Variants in BBS12 observed in about 807,000 individuals in gnomAD.
BBS12 encodes the protein chaperonin-containing T-complex member BBS12.
In BBS12, 5 loss-of-function variants were observed where a neutral mutation model predicts 5.6. That is an observed-to-expected ratio of 0.89 (90% confidence interval 0.46 to 1.86). The LOEUF (loss-of-function observed/expected upper bound fraction) is 1.86. Among genes scored for constraint, BBS12 ranks in the 40% most tolerant of loss-of-function variants. The probability of loss-of-function intolerance (pLI) is 0.01; values close to 1 mark genes in which losing one functional copy is unlikely to be tolerated. For missense variants in BBS12, 748 were observed against 830.4 expected (o/e 0.90, Z 1.22); for synonymous variants, 308 against 306.8 (o/e 1.00, Z -0.04).
chr4:122,716,668 T>C, the BBS12 span, among the ~76,000 whole-genome samples: 330 of 63,180 alleles, frequency 5.2e-3, 3 homozygotes, highest in African/African-American at 0.021. Flanking sequence ...CACATACACA[T>C]ATGTGTATAT....
chr4:122,722,618 A>G, the BBS12 span, among the ~76,000 whole-genome samples: 1 of 152,164 alleles, frequency 6.6e-6, no homozygotes, highest in Admixed American at 6.5e-5. Context: ...GTGTATCTTC[A>G]TTAGATTTAG....
Position 122,742,368 on chromosome 4 carries a change from C to G in BBS12, c.476C>G (p.Pro159Arg). 1 of 1,614,130 alleles carries G rather than the reference C, an allele frequency of 6.2e-7. No homozygotes were observed. Residue 159 changes from proline (P) to arginine (R), a missense_variant, in exon 2 of 2, where the codon CCT (proline) becomes CGT (arginine). Transcript: ENST00000314218. ...GAAACATTTAGTGTAAGTTTGTGTC[C>G]TTTTCTACAGGTCCCTTCAGATACT... The part of the protein sequence containing the change: ...QLETFSVSLC[P>R]FLQVPSDTDL...
At chr4:122,711,359 G>GAAA in the BBS12 span, among the ~76,000 whole-genome samples, 5 of 135,100 alleles carry the variant, frequency 3.7e-5, no homozygotes, top group African/African-American at 1.4e-4. Context: ...ATCCTGATTG[G>GAAA]AAAAAAAAAA....
chr4:122,726,860 AC>A, the BBS12 span, among the ~76,000 whole-genome samples: 2 of 152,220 alleles, frequency 1.3e-5, no homozygotes, highest in Non-Finnish European at 2.9e-5. Context: ...GGAATAGAAA[AC>A]CAAACATCAT....
the BBS12 span, among the ~76,000 whole-genome samples, chr4:122,713,593 C>A: frequency 6.6e-6 from 1 of 152,210 alleles, no homozygotes; most frequent in African/African-American, 2.4e-5. Context: ...GGGATTGTAT[C>A]TTTTGGGATT....
the BBS12 span, among the ~76,000 whole-genome samples, chr4:122,703,484 G>A: frequency 1.3e-5 from 2 of 152,210 alleles, no homozygotes; most frequent in African/African-American, 4.8e-5. Flanking sequence ...TGACGTTAGA[G>A]TGAGCTATGA....
At chr4:122,721,241 G>A in the BBS12 span, among the ~76,000 whole-genome samples, 1 of 152,066 alleles carries the variant, frequency 6.6e-6, no homozygotes, top group Non-Finnish European at 1.5e-5. Flanking sequence ...CAACAAGCCA[G>A]CATAAAAGAA....
chr4:122,711,672 T>G, the BBS12 span, among the ~76,000 whole-genome samples: 1 of 152,226 alleles, frequency 6.6e-6, no homozygotes, highest in Non-Finnish European at 1.5e-5. Flanking sequence ...TAGTGTGTTT[T>G]CATTGCATGC....
chr4:122,713,878 C>A, the BBS12 span, among the ~76,000 whole-genome samples: 1 of 152,136 alleles, frequency 6.6e-6, no homozygotes, highest in Admixed American at 6.5e-5. Flanking sequence ...GTAAAAATAT[C>A]TCATGTATAC....
At chr4:122,701,836 G>A in the BBS12 span, among the ~76,000 whole-genome samples, 1 of 152,290 alleles carries the variant, frequency 6.6e-6, no homozygotes, top group African/African-American at 2.4e-5. Context: ...AATCCAGTGA[G>A]TACCTCCACA....
the BBS12 span, among the ~76,000 whole-genome samples, chr4:122,704,852 C>T: frequency 1.3e-5 from 2 of 152,200 alleles, no homozygotes; most frequent in Admixed American, 1.3e-4. Flanking sequence ...CAGCCAGGAA[C>T]TTTCCCATCA....
chr4:122,728,348 T>C (rs988099576), upstream of BBS12, among the ~76,000 whole-genome samples: 1 of 152,228 alleles, frequency 6.6e-6, no homozygotes, highest in African/African-American at 2.4e-5. Flanking sequence ...TTTATTTGTA[T>C]TGTTATGCAA....
chr4:122,734,919 A>G (rs1200038384), intron 1 of BBS12, among the ~76,000 whole-genome samples: 2 of 152,188 alleles, frequency 1.3e-5, no homozygotes, highest in Admixed American at 1.3e-4. Flanking sequence ...TTAAACACAT[A>G]GGCACTCTTA....
the BBS12 span, among the ~76,000 whole-genome samples, chr4:122,714,692 A>G: frequency 6.6e-6 from 1 of 152,076 alleles, no homozygotes; most frequent in Non-Finnish European, 1.5e-5. Flanking sequence ...CCTGTAAAGA[A>G]ACAGAATTCC....
At chr4:122,716,667 A>G in the BBS12 span, among the ~76,000 whole-genome samples, 4,701 of 77,062 alleles carry the variant, frequency 0.061, 416 homozygotes, top group African/African-American at 0.22. Flanking sequence ...GCACATACAC[A>G]TATGTGTATA....
chr4:122,728,175 A>C (rs1415963459), upstream of BBS12, among the ~76,000 whole-genome samples: 1 of 152,198 alleles, frequency 6.6e-6, no homozygotes, highest in Non-Finnish European at 1.5e-5. Flanking sequence ...GTGACAATTA[A>C]TTGTACAGGT....
Position 122,743,883 on chromosome 4 carries a change from A to G in BBS12, c.1991A>G (p.Asp664Gly). Residue 664 changes from aspartate to glycine, a missense_variant, in exon 2 of 2, where the codon GAC (aspartate) becomes GGC (glycine). Transcript: ENST00000314218. The part of the protein sequence containing the change: ...NKLEQIPRVY[D>G]VVTPKIEAWR... ...CTGGAGCAGATTCCGAGAGTTTATG[A>G]CGTTGTTACACCAAAGATTGAGGCG... 1 of 1,604,220 alleles carries G rather than the reference A, an allele frequency of 6.2e-7. No individual in the cohort carries two copies. Among genetic ancestry groups the G allele is most frequent in the Non-Finnish European group, 8.5e-7 (1 of 1,175,426 alleles).
At chr4:122,709,049 G>A in the BBS12 span, among the ~76,000 whole-genome samples, 2 of 152,110 alleles carry the variant, frequency 1.3e-5, no homozygotes, top group Admixed American at 6.6e-5. Flanking sequence ...TTTGTTTTAT[G>A]AGTGTCTGTG....
the BBS12 span, among the ~76,000 whole-genome samples, chr4:122,715,073 A>C: frequency 6.6e-6 from 1 of 152,014 alleles, no homozygotes; most frequent in Admixed American, 6.6e-5. Context: ...ATTCTGAGGA[A>C]TAATGGCTAA....
Sources: allele counts gnomAD v4.1 joint callset (sites outside exome capture counted in the v4.1 genomes callset), GRCh38; gene constraint gnomAD v4.1.1; transcripts MANE v1.5; gene names NCBI Gene and HGNC (gene_info 2026-07-23, HGNC 2026-07-21).